Variants in SLC16A10 observed in about 807,000 individuals in gnomAD.
SLC16A10 encodes monocarboxylate transporter 10.
In SLC16A10, 27 loss-of-function variants were observed where a neutral mutation model predicts 40.0. The observed-to-expected ratio is 0.67, with a 90% CI of 0.50 to 0.93. The LOEUF (loss-of-function observed/expected upper bound fraction) is 0.93, where lower values mean the gene tolerates loss of function less well. SLC16A10 is among the 40% of genes least tolerant of loss of function. SLC16A10 has a pLI of 0.00. For missense variants in SLC16A10, 529 were observed against 658.2 expected, an observed-to-expected ratio of 0.80 and a Z score of 2.15; for synonymous variants, 213 against 249.8, an observed-to-expected ratio of 0.85 and a Z score of 1.39.
In SLC16A10 at chr6:111,223,924, A is replaced by C. The variant is rs1054726938; in HGVS notation, c.*1689A>C. 1.3e-5 allele frequency: 2 copies of C among 152,438 alleles called. No individual in the cohort carries two copies. Among genetic ancestry groups the C allele is most frequent in the African/African-American group, 4.8e-5 (2 of 41,438 alleles). The allele number at this position is 152,438 out of a possible 1,614,324, so 9.4% of individuals were successfully genotyped here. A position where few individuals can be genotyped will look rare whatever the true frequency, so the allele number is the denominator to read the frequency against. Reference sequence around the variant, plus strand: ...AGACCAGCCTGGGCAACATAGCAAGATCCTGTCTCTACTAAAAATAAAAAA... The same window carrying C: ...AGACCAGCCTGGGCAACATAGCAAGCTCCTGTCTCTACTAAAAATAAAAAA... On this transcript the variant is annotated 3_prime_UTR_variant, in exon 6 of 6. Coordinates refer to ENST00000368851, the MANE Select transcript of SLC16A10 (RefSeq NM_018593.5).
Position 111,219,012 on chromosome 6 carries a change from A to C in SLC16A10, c.1285A>C (p.Ile429Leu). Residue 429 changes from isoleucine (I) to leucine (L), a missense_variant, in exon 5 of 6, where the codon ATA becomes CTA. Coordinates refer to ENST00000368851, the MANE Select transcript of SLC16A10 (RefSeq NM_018593.5). ...AIGFLLGFMS[I>L]PMTVGPPIAG... ...TGGATTTCTGCTCGGATTCATGTCT[A>C]TACCCATGACTGTTGGCCCACCCAT... 1 of 1,614,194 alleles carries C rather than the reference A, an allele frequency of 6.2e-7. No individual in the cohort carries two copies. Among genetic ancestry groups the C allele is most frequent in the Non-Finnish European group, 8.5e-7 (1 of 1,180,042 alleles).
chr6:111,146,042 T>G (rs1002766489), intron 1 of SLC16A10, among the ~76,000 whole-genome samples: 2 of 152,052 alleles, frequency 1.3e-5, no homozygotes, highest in African/African-American at 4.8e-5. Context: ...TGGGAGATAA[T>G]TTTTTGCAAA....
At chr6:111,219,102 TA>T in intron 5 of SLC16A10, 60 bp downstream of exon 5, 7 of 1,421,912 alleles carry the variant, frequency 4.9e-6, no homozygotes, top group Middle Eastern at 1.8e-4. Flanking sequence ...CTTCAGGTCT[TA>T]ATTAAGTCTC....
intron 1 of SLC16A10, among the ~76,000 whole-genome samples, 176 bp from the exon 2 acceptor site, chr6:111,172,519 C>T (rs1183306520): frequency 2.6e-5 from 4 of 152,054 alleles, no homozygotes; most frequent in African/African-American, 9.7e-5. Context: ...TTATCCAGGT[C>T]AGCAAATATT....
At chr6:111,188,711 TTTG>T (rs1018045875) in intron 3 of SLC16A10, among the ~76,000 whole-genome samples, 2 of 152,362 alleles carry the variant, frequency 1.3e-5, no homozygotes, top group South Asian at 2.1e-4. Context: ...TTCTTGTATT[TTTG>T]TTGTTGTTAT....
In SLC16A10 at chr6:111,218,338, G is replaced by A. The variant is rs1371733748; in HGVS notation, c.1087-476G>A. On this transcript the variant is annotated intron_variant, in intron 4 of 5. Transcript: ENST00000368851. Reference sequence around the variant, plus strand: ...CTCATGCCTGTAATCCCAGCACTTTGGGAGGCCGGGCAGGTGGATCACTTG... The same window carrying A: ...CTCATGCCTGTAATCCCAGCACTTTAGGAGGCCGGGCAGGTGGATCACTTG... 2.6e-5 allele frequency among the ~76,000 whole-genome samples: 4 copies of A among 152,182 alleles called. No homozygotes were observed. The East Asian group carries it at 5.8e-4, about 22-fold the overall frequency.
chr6:111,184,929 G>C (rs1772867955), intron 3 of SLC16A10, among the ~76,000 whole-genome samples: 2 of 152,204 alleles, frequency 1.3e-5, no homozygotes, highest in South Asian at 4.1e-4. Flanking sequence ...ATTAGACCTT[G>C]CTAGGCAGAG....
chr6:111,142,444 G>C (rs147332929), intron 1 of SLC16A10, among the ~76,000 whole-genome samples: 79 of 152,312 alleles, frequency 5.2e-4, no homozygotes, highest in Non-Finnish European at 7.9e-4. Context: ...TCAAGAGAAT[G>C]AGAAGACTTG....
intron 1 of SLC16A10, among the ~76,000 whole-genome samples, chr6:111,120,952 T>C (rs1771572671): frequency 6.6e-6 from 1 of 152,212 alleles, no homozygotes; most frequent in Non-Finnish European, 1.5e-5. Flanking sequence ...TTTGAAGTTA[T>C]TTTTTATAAG....
intron 3 of SLC16A10, among the ~76,000 whole-genome samples, chr6:111,205,843 T>C (rs577975671): frequency 1.2e-4 from 18 of 152,340 alleles, no homozygotes; most frequent in Middle Eastern, 3.4e-3. Flanking sequence ...CTGGATGCTC[T>C]GTTATAACTC....
chr6:111,196,835 A>G (rs1773087028), intron 3 of SLC16A10, among the ~76,000 whole-genome samples: 1 of 152,242 alleles, frequency 6.6e-6, no homozygotes, highest in Admixed American at 6.5e-5. Context: ...GGATATACAT[A>G]GGTTACATGC....
intron 4 of SLC16A10, among the ~76,000 whole-genome samples, chr6:111,208,141 G>T (rs1282822091): frequency 1.3e-5 from 2 of 150,782 alleles, no homozygotes; most frequent in African/African-American, 4.9e-5. Context: ...GCTAATTTTT[G>T]TTTTTTTGTT....
intron 1 of SLC16A10, among the ~76,000 whole-genome samples, chr6:111,093,535 G>A (rs1028501900): frequency 1.3e-5 from 2 of 152,154 alleles, no homozygotes; most frequent in East Asian, 3.9e-4. Context: ...ACATTGTACT[G>A]TTGTATGTGA....
chr6:111,194,063 GC>G (rs1773040052), intron 3 of SLC16A10, among the ~76,000 whole-genome samples: 1 of 152,174 alleles, frequency 6.6e-6, no homozygotes, highest in African/African-American at 2.4e-5. Context: ...TCTAGCCCCA[GC>G]ACCTAGAATG....
chr6:111,111,996 G>A (rs750888661), intron 1 of SLC16A10, among the ~76,000 whole-genome samples: 7 of 152,180 alleles, frequency 4.6e-5, no homozygotes, highest in Admixed American at 3.3e-4. Context: ...GTGTGTGTGT[G>A]TATATAGGTA....
intron 1 of SLC16A10, among the ~76,000 whole-genome samples, chr6:111,169,824 A>G (rs1772548980): frequency 6.6e-6 from 1 of 152,106 alleles, no homozygotes; most frequent in Admixed American, 6.5e-5. Context: ...AGACACATAA[A>G]TCTGTAATTT....
At chr6:111,135,938 A>C (rs1345872719) in intron 1 of SLC16A10, among the ~76,000 whole-genome samples, 2 of 152,202 alleles carry the variant, frequency 1.3e-5, no homozygotes, top group Non-Finnish European at 2.9e-5. Flanking sequence ...ATCCAAAGGC[A>C]CCAGGGCCCT....
intron 1 of SLC16A10, among the ~76,000 whole-genome samples, chr6:111,168,561 A>C (rs1233192309): frequency 6.6e-6 from 1 of 152,202 alleles, no homozygotes; most frequent in Non-Finnish European, 1.5e-5. Flanking sequence ...AGGTCGTAAG[A>C]CCTTGGATTG....
At chr6:111,213,919 G>T (rs354547) in intron 4 of SLC16A10, among the ~76,000 whole-genome samples, 116,128 of 152,094 alleles carry the variant, frequency 0.76, 45,267 homozygotes, top group Non-Finnish European at 0.86. Flanking sequence ...GACTTTATAT[G>T]GGCTAAACTT....
Sources: allele counts gnomAD v4.1 joint callset (sites outside exome capture counted in the v4.1 genomes callset), GRCh38; gene constraint gnomAD v4.1.1; transcripts MANE v1.5; gene names NCBI Gene and HGNC (gene_info 2026-07-23, HGNC 2026-07-21).